Variants in TIAM1 observed in about 807,000 individuals in gnomAD.
TIAM1 encodes the protein rho guanine nucleotide exchange factor TIAM1.
In TIAM1, 65 loss-of-function variants were observed where a neutral mutation model predicts 163.5. The observed-to-expected ratio is 0.40, with a 90% CI of 0.33 to 0.49. TIAM1 has a LOEUF of 0.49. Among genes scored for constraint, TIAM1 ranks in the 20% least tolerant of loss-of-function variants. The pLI is 0.77. For missense variants in TIAM1, 1,789 were observed against 2,044.7 expected (o/e 0.87, Z 2.41); for synonymous variants, 833 against 810.1 (o/e 1.03, Z -0.48).
At chr21:31,150,328 C>A (rs909239539) in intron 19 of TIAM1, among the ~76,000 whole-genome samples, 8 of 152,108 alleles carry the variant, frequency 5.3e-5, no homozygotes, top group African/African-American at 1.2e-4. Flanking sequence ...CGAGGTGAGG[C>A]AGTCTTTACC....
chr21:31,381,099 C>A (rs1376660397), intron 2 of TIAM1, among the ~76,000 whole-genome samples: 1 of 151,602 alleles, frequency 6.6e-6, no homozygotes, highest in Non-Finnish European at 1.5e-5. Flanking sequence ...CTAGAAGACA[C>A]AGATAATACA....
chr21:31,142,628 C>A, intron 20 of TIAM1, among the ~76,000 whole-genome samples: 3 of 68,804 alleles, frequency 4.4e-5, no homozygotes, highest in Admixed American at 1.9e-4. Flanking sequence ...GAGACTCCGT[C>A]TCAAAAAAAA....
intron 3 of TIAM1, among the ~76,000 whole-genome samples, chr21:31,267,232 A>C (rs1179193046): frequency 6.6e-6 from 1 of 152,218 alleles, no homozygotes; most frequent in African/African-American, 2.4e-5. Context: ...AAATATGAGC[A>C]TCAGAGAGTT....
At chr21:31,368,837 T>C (rs2076543137) in intron 2 of TIAM1, among the ~76,000 whole-genome samples, 1 of 152,186 alleles carries the variant, frequency 6.6e-6, no homozygotes, top group South Asian at 2.1e-4. Context: ...TAAATTAGCA[T>C]GTCAATTTTG....
intron 2 of TIAM1, among the ~76,000 whole-genome samples, chr21:31,296,189 T>C (rs1221042890): frequency 3.9e-5 from 6 of 152,196 alleles, no homozygotes; most frequent in African/African-American, 1.2e-4. Flanking sequence ...CAGAATACTA[T>C]TGAAATCCTT....
rs1181493253 is a variant in TIAM1, at chr21:31,130,910, A to G, written c.3922T>C (p.Ser1308Pro). 1 of 1,613,962 alleles carries G rather than the reference A, an allele frequency of 6.2e-7. No individual in the cohort carries two copies. The highest frequency in any genetic ancestry group is 8.5e-7 in the Non-Finnish European group (1 of 1,179,980). ...CTTACAAGTTTCTTCTTCTGTTTGG[A>G]ACCATCTTTATACACAAGGACCACA... ...TAVVLVYKDG[S>P]KQKKKLVGSH... Residue 1308 changes from serine to proline, a missense_variant, in exon 24 of 28, where the codon TCC becomes CCC. Coordinates refer to ENST00000541036, the MANE Select transcript of TIAM1 (RefSeq NM_001353694.2).
At position 31,427,174 on chromosome 21, in the gene TIAM1, A is replaced by G. The variant is rs539530473; in HGVS notation, c.-369+36809T>C. Among the ~76,000 whole-genome samples the G allele has an allele frequency of 2.6e-3, 403 of 152,308 alleles. 1 individual carries two copies. Among genetic ancestry groups the G allele is most frequent in the Non-Finnish European group, 4.5e-3 (304 of 68,034 alleles). On this transcript the variant is annotated intron_variant, in intron 2 of 28. Transcript: ENST00000286827. ...CTCAAGCAATCCTCCCGCCTTGGCA[A>G]TATACTATGTCTTTAAGATTAAAGG...
rs565455498 is a variant in TIAM1 at position 31,170,905 on chromosome 21, A to G, written c.2888-5840T>C. Among the ~76,000 whole-genome samples the G allele has an allele frequency of 4.6e-3, 694 of 151,900 alleles. 2 individuals carry two copies. Among genetic ancestry groups the G allele is most frequent in the Non-Finnish European group, 8.1e-3 (547 of 67,934 alleles). ...ACAAAAATTAGCCGGGCATGGTGGC[A>G]CGCACCTATAATCCCAGCTACTCAG... On this transcript the variant is annotated intron_variant, in intron 15 of 27. Transcript: ENST00000541036.
chr21:31,273,563 G>A (rs934305938), intron 3 of TIAM1, among the ~76,000 whole-genome samples: 3 of 152,200 alleles, frequency 2.0e-5, no homozygotes, highest in African/African-American at 4.8e-5. Context: ...TCCACCCACG[G>A]AGGTGAGACA....
intron 1 of TIAM1, among the ~76,000 whole-genome samples, chr21:31,555,943 C>G (rs902992726): frequency 6.6e-6 from 1 of 151,866 alleles, no homozygotes; most frequent in African/African-American, 2.4e-5. Flanking sequence ...CTTTTCCTTT[C>G]TGGTTTAGAG....
At position 31,248,310 on chromosome 21, in the gene TIAM1, GT is replaced by G. The variant is rs1282876246; in HGVS notation, c.1412-2651del. ...AGTGAATGTTGTATGGTCCCATCAG[GT>G]AACTGTTTGTATAATTTTTCAACTT... On this transcript the variant is annotated intron_variant, in intron 5 of 27. Transcript: ENST00000541036. Among the ~76,000 whole-genome samples the G allele has an allele frequency of 4.6e-5, 7 of 152,262 alleles. No homozygotes were observed. In the South Asian group the frequency reaches 1.5e-3, roughly 32 times the overall value.
rs1371649498 is a variant in TIAM1, at chr21:31,217,714, G to T, written c.1996-15C>A. On this transcript the variant is annotated splice_polypyrimidine_tract_variant and intron_variant, in intron 8 of 27. Coordinates refer to ENST00000541036, the MANE Select transcript of TIAM1 (RefSeq NM_001353694.2). ...CGTGCTGCCACCTGAGGATGGCAAGGACAAGCAGCCACAAGGGAGATGCAT... is the reference window on the plus strand; with the variant it reads ...CGTGCTGCCACCTGAGGATGGCAAGTACAAGCAGCCACAAGGGAGATGCAT... The T allele has an allele frequency of 1.2e-6, 2 of 1,611,602 alleles. No individual in the cohort carries two copies. Among genetic ancestry groups the T allele is most frequent in the African/African-American group, 2.7e-5 (2 of 74,848 alleles).
At chr21:31,288,533 G>A (rs1005979674) in intron 2 of TIAM1, among the ~76,000 whole-genome samples, 1 of 152,140 alleles carries the variant, frequency 6.6e-6, no homozygotes, top group African/African-American at 2.4e-5. Flanking sequence ...GAGCACTCAT[G>A]ACCTAATCAC....
At chr21:31,245,699 G>C (rs2071465995) in intron 5 of TIAM1, 39 bp from the exon 6 acceptor site, 4 of 1,410,770 alleles carry the variant, frequency 2.8e-6, no homozygotes, top group Non-Finnish European at 3.7e-6. Flanking sequence ...AGTATTCAGT[G>C]CTTGGGAAAC....
intron 1 of TIAM1, among the ~76,000 whole-genome samples, chr21:31,342,499 T>A (rs1296640860): frequency 2.6e-5 from 4 of 152,320 alleles, no homozygotes; most frequent in African/African-American, 9.6e-5. Context: ...TCTAAAAACC[T>A]TTGCTCTATG....
chr21:31,385,430 G>A (rs2076848688), intron 2 of TIAM1, among the ~76,000 whole-genome samples: 1 of 152,160 alleles, frequency 6.6e-6, no homozygotes, highest in Non-Finnish European at 1.5e-5. Context: ...TGCTACGAAA[G>A]AAGGGTGGGG....
intron 2 of TIAM1, among the ~76,000 whole-genome samples, chr21:31,315,790 G>A (rs2075101944): frequency 6.6e-6 from 1 of 151,644 alleles, no homozygotes; most frequent in African/African-American, 2.4e-5. Context: ...GGCCATCCTG[G>A]CCAACAGGGT....
Position 31,135,995 on chromosome 21 carries a change from A to G in TIAM1, c.3821T>C (p.Ile1274Thr), listed in dbSNP as rs750484295. 2.5e-6 allele frequency: 4 copies of G among 1,614,074 alleles called. No individual in the cohort carries two copies. Among genetic ancestry groups the G allele is most frequent in the Non-Finnish European group, 3.4e-6 (4 of 1,180,036 alleles). Residue 1274 changes from isoleucine to threonine, a missense_variant, in exon 23 of 28, where the codon ATC (isoleucine) becomes ACC (threonine). Transcript: ENST00000541036. ...CAGCGAGGCCGGCGGGTTCAGCCAGATCACGGTAGTGTGCAAAAGCAGGTC... is the reference window on the plus strand; with the variant it reads ...CAGCGAGGCCGGCGGGTTCAGCCAGGTCACGGTAGTGTGCAAAAGCAGGTC... Reference protein sequence around the residue: ...MGDLLLHTTVIWLNPPASLGK... With the variant: ...MGDLLLHTTVTWLNPPASLGK...
At chr21:31,492,099 C>T (rs1235443643) in intron 1 of TIAM1, among the ~76,000 whole-genome samples, 2 of 151,916 alleles carry the variant, frequency 1.3e-5, no homozygotes, top group Non-Finnish European at 2.9e-5. Context: ...TATATGCATA[C>T]GTATGTGTAT....
Sources: gnomAD v4.1 joint callset for allele counts (sites outside exome capture counted in the v4.1 genomes callset) on GRCh38, gnomAD v4.1.1 for gene constraint, MANE v1.5 for transcripts, NCBI Gene and HGNC (gene_info 2026-07-23, HGNC 2026-07-21) for gene names.